Variants in ENG observed in about 807,000 individuals in gnomAD.
ENG encodes endoglin, also known as CD105 antigen.
In ENG, 17 loss-of-function variants were observed where a neutral mutation model predicts 71.0. The observed-to-expected ratio is 0.24, with a 90% CI of 0.16 to 0.36. The LOEUF is 0.36. Ranked by LOEUF, ENG falls within the 10% of genes least tolerant of loss-of-function variation. ENG has a pLI of 1.00. For missense variants in ENG, 749 were observed against 868.3 expected, an observed-to-expected ratio of 0.86 and a Z score of 1.73; for synonymous variants, 360 against 366.9, an observed-to-expected ratio of 0.98 and a Z score of 0.21.
chr9:127,852,204 G>A lies in ENG; in HGVS notation c.67+2085C>T, dbSNP rs556764056. The stretch of plus-strand genomic sequence containing the variant: ...TCGGGTTTTTGTTACAGGTACCCAC[G>A]GACCACGCATCTTTACAGAGTTGGA... On this transcript the variant is annotated intron_variant, in intron 1 of 14. Transcript: ENST00000373203. Among the ~76,000 whole-genome samples the A allele has an allele frequency of 2.2e-4, 34 of 152,240 alleles. 1 individual carries two copies. Among genetic ancestry groups the A allele is most frequent in the Middle Eastern group, 3.4e-3 (1 of 294 alleles).
In ENG at chr9:127,824,342, C is replaced by G. The variant is rs1800956; in HGVS notation, c.1096G>C (p.Asp366His). The part of the protein sequence containing the change: ...MSLIQTKCAD[D>H]AMTLVLKKEL... ...TTCTTTAGTACCAGGGTCATGGCGTCGTCGGCACACTTTGTCTGGATCAAG... is the reference window on the plus strand; with the variant it reads ...TTCTTTAGTACCAGGGTCATGGCGTGGTCGGCACACTTTGTCTGGATCAAG... The change falls in exon 8 of 15, where the codon GAC (aspartate) becomes CAC (histidine). Residue 366 changes from aspartate (D) to histidine (H), a missense_variant. Transcript: ENST00000373203. 6,438 of 1,613,884 alleles carry G rather than the reference C, an allele frequency of 4.0e-3. 233 individuals are homozygous for G. The East Asian group carries it at 0.085, about 21-fold the overall frequency.
At chr9:127,830,116 C>T (rs917550192) in intron 2 of ENG, among the ~76,000 whole-genome samples, 2 of 151,680 alleles carry the variant, frequency 1.3e-5, no homozygotes, top group Non-Finnish European at 2.9e-5. Flanking sequence ...CTGAGGTGGG[C>T]GGATCACCTG....
intron 4 of ENG, 96 bp from the exon 5 acceptor site, chr9:127,825,956 G>T: frequency 6.8e-7 from 1 of 1,480,398 alleles, no homozygotes; most frequent in Non-Finnish European, 9.2e-7. Context: ...GGTGGGGCAG[G>T]CAGGACGGTG....
rs1285249384 is a variant in ENG at position 127,825,847 on chromosome 9, CAGT to C, written c.534_536del (p.Leu179del). The stretch of plus-strand genomic sequence containing the variant: ...GGCTGGCTTCCAGCATGCAGAAGGA[CAGT>C]GACCCCTGGGCTGCAGAGACACGCG... On this transcript the variant is annotated inframe_deletion, in exon 5 of 15. Transcript: ENST00000373203. 5 of 1,594,202 alleles carry C rather than the reference CAGT, an allele frequency of 3.1e-6. No individual in the cohort carries two copies. The African/African-American group carries it at 5.4e-5, about 17-fold the overall frequency.
At chr9:127,829,555 G>A (rs1387699349) in intron 3 of ENG, 132 bp downstream of exon 3, 1 of 1,267,242 alleles carries the variant, frequency 7.9e-7, no homozygotes, top group South Asian at 1.3e-5. Flanking sequence ...CAGGACCCTG[G>A]TGAATAATGT....
rs1830595519 is a variant in ENG at position 127,825,691 on chromosome 9, A to G, written c.689+4T>C. On this transcript the variant is annotated splice_donor_region_variant and intron_variant, in intron 5 of 14. Transcript: ENST00000373203. ...TAGTGTCAGGGGCGGGGCGAGAGCC[A>G]TACCCGGCCGAGTGGCCCGGCAGGA... is the stretch of plus-strand genomic sequence containing the variant. 2 of 1,575,090 alleles carry G rather than the reference A, an allele frequency of 1.3e-6. No individual in the cohort carries two copies. Among genetic ancestry groups the G allele is most frequent in the African/African-American group, 1.3e-5 (1 of 74,182 alleles).
intron 2 of ENG, 59 bp from the exon 3 acceptor site, chr9:127,829,886 C>T (rs1327961364): frequency 1.9e-6 from 3 of 1,609,104 alleles, no homozygotes. Flanking sequence ...GGTTGTGCCA[C>T]CCAGACAGGC....
Position 127,845,246 on chromosome 9 carries a change from C to G in ENG, c.68-2001G>C, listed in dbSNP as rs531124128. ...GGGGGCAGGGAGGCTTCTTCTGAACCCTGGGCTGTCTGGAGCCTCACCGGC... is the reference window on the plus strand; with the variant it reads ...GGGGGCAGGGAGGCTTCTTCTGAACGCTGGGCTGTCTGGAGCCTCACCGGC... On this transcript the variant is annotated intron_variant, in intron 1 of 14. Transcript: ENST00000373203. 2.6e-5 allele frequency among the ~76,000 whole-genome samples: 4 copies of G among 152,304 alleles called. No individual in the cohort carries two copies. In the East Asian group the frequency reaches 7.7e-4, roughly 29 times the overall value.
intron 1 of ENG, among the ~76,000 whole-genome samples, chr9:127,850,381 G>A (rs1354110150): frequency 1.3e-5 from 2 of 152,254 alleles, no homozygotes; most frequent in African/African-American, 4.8e-5. Context: ...CAGCCCTGGG[G>A]CAAAAGAATG....
At chr9:127,850,024 C>T (rs1313327359) in intron 1 of ENG, among the ~76,000 whole-genome samples, 2 of 152,176 alleles carry the variant, frequency 1.3e-5, no homozygotes, top group African/African-American at 4.8e-5. Context: ...TTTATCCCAC[C>T]CCCACTCCTG....
At chr9:127,848,234 C>T (rs1831217818) in intron 1 of ENG, among the ~76,000 whole-genome samples, 1 of 152,156 alleles carries the variant, frequency 6.6e-6, no homozygotes, top group Non-Finnish European at 1.5e-5. Flanking sequence ...CTCGCTCCTG[C>T]CTCTGCCATG....
In ENG at chr9:127,854,424, CG is replaced by C. The variant is rs886063477; in HGVS notation, c.-70del. 19 of 1,506,382 alleles carry C rather than the reference CG, an allele frequency of 1.3e-5. No homozygotes were observed. The East Asian group carries it at 4.3e-4, about 34-fold the overall frequency. The allele number at this position is 1,506,382 out of a possible 1,614,324, so 93.3% of individuals were successfully genotyped here. A position where few individuals can be genotyped will look rare whatever the true frequency, so the allele number is the denominator to read the frequency against. On this transcript the variant is annotated 5_prime_UTR_variant, in exon 1 of 15. Transcript: ENST00000373203. ...CAGTGGCAGGGCTGCGGGCGGGCAC[CG>C]GGGCCGGCGTGGGCTCGCACGGGGA...
intron 2 of ENG, among the ~76,000 whole-genome samples, chr9:127,831,745 C>A (rs1464681296): frequency 6.7e-6 from 1 of 148,586 alleles, no homozygotes; most frequent in Non-Finnish European, 1.5e-5. Context: ...AGGCTGGAAC[C>A]CAGTGGCACA....
At chr9:127,823,881 A>G (rs1048892699) in intron 8 of ENG, among the ~76,000 whole-genome samples, 3 of 150,164 alleles carry the variant, frequency 2.0e-5, no homozygotes, top group Non-Finnish European at 4.4e-5. Context: ...GGGTTTCACC[A>G]TGTTGGCCAG....
In ENG at chr9:127,836,500, AG is replaced by A. The variant is rs2131906736; in HGVS notation, c.219+6593del. Reference sequence around the variant, plus strand: ...GGCTGCCTGCAGCCCCCACCCTCCCAGGGCCTGACTGGAGGCGGTCAGATTG... The same window carrying A: ...GGCTGCCTGCAGCCCCCACCCTCCCAGGCCTGACTGGAGGCGGTCAGATTG... On this transcript the variant is annotated intron_variant, in intron 2 of 14. Coordinates refer to ENST00000373203, the MANE Select transcript of ENG (RefSeq NM_001114753.3). This position sits in a 1 kb window ranked among gnomAD's most constrained non-coding sequence, Gnocchi z 4.0. 6.6e-6 allele frequency among the ~76,000 whole-genome samples: 1 copy of A among 152,316 alleles called. No homozygotes were observed. The highest frequency in any genetic ancestry group is 2.1e-4 in the South Asian group (1 of 4,820).
intron 8 of ENG, 27 bp downstream of exon 8, chr9:127,824,277 G>C: frequency 6.2e-7 from 1 of 1,614,008 alleles, no homozygotes; most frequent in Non-Finnish European, 8.5e-7. Context: ...ATGTCATCCT[G>C]AGCCAGAGGG....
rs148537759 is a variant in ENG at position 127,818,333 on chromosome 9, G to A, written c.1473C>T (p.Asp491=). 1.2e-6 allele frequency: 2 copies of A among 1,614,054 alleles called. No homozygotes were observed. Among genetic ancestry groups the A allele is most frequent in the South Asian group, 1.1e-5 (1 of 91,088 alleles). ...CAGGCCCCAAGTCCAGGTGGCAGCT[G>A]TCTAACTGGAGCAGGAACTCGGAGA... ...PSVSEFLLQL[D]SCHLDLGPEG... The change falls in exon 12 of 15, where the codon GAC becomes GAT. Residue 491 remains aspartate, a synonymous_variant. Transcript: ENST00000373203.
intron 5 of ENG, 151 bp downstream of exon 5, chr9:127,825,544 G>A (rs931635057): frequency 1.6e-6 from 2 of 1,212,926 alleles, no homozygotes; most frequent in African/African-American, 1.5e-5. Flanking sequence ...CCTAGAGTAG[G>A]AGAAAGCGAC....
chr9:127,818,214 C>G lies in ENG; in HGVS notation c.1592G>C (p.Ser531Thr). 1 of 1,614,174 alleles carries G rather than the reference C, an allele frequency of 6.2e-7. No homozygotes were observed. Among genetic ancestry groups the G allele is most frequent in the Admixed American group, 1.7e-5 (1 of 60,026 alleles). ...TACTGTGTAGAAGTGGAGGAGGAAG[C>G]TGAAGCGCGGGTCACCCTCGGGGCT... ...SPSPEGDPRF[S>T]FLLHFYTVPI... The change falls in exon 12 of 15, where the codon AGC becomes ACC. Residue 531 changes from serine (S) to threonine (T), a missense_variant. By Grantham distance (58) the Ser-to-Thr change is moderately conservative (BLOSUM62 1). Transcript: ENST00000373203.
Sources: allele counts gnomAD v4.1 joint callset (sites outside exome capture counted in the v4.1 genomes callset), GRCh38; gene constraint gnomAD v4.1.1; non-coding constraint Gnocchi (gnomAD v3.1); transcripts MANE v1.5; gene names NCBI Gene and HGNC (gene_info 2026-07-23, HGNC 2026-07-21).